The following LRMDA variants were observed in gnomAD, a reference collection of about 807,000 sequenced individuals.
LRMDA encodes leucine-rich melanocyte differentiation-associated protein.
Under a neutral mutation model 29.8 loss-of-function variants are expected in LRMDA, and 18 were observed. The ratio of observed to expected loss-of-function variants is 0.60; its 90% CI spans 0.42 to 0.90. The LOEUF is 0.90. Ranked by LOEUF, LRMDA falls within the 40% of genes least tolerant of loss-of-function variation. The pLI is 0.00. For missense variants in LRMDA, 273 were observed against 273.9 expected (o/e 1.00, Z 0.02); for synonymous variants, 125 against 109.4 (o/e 1.14, Z -0.89).
chr10:75,994,592 C>T (rs939555961), intron 2 of LRMDA, among the ~76,000 whole-genome samples: 3 of 152,138 alleles, frequency 2.0e-5, no homozygotes, highest in Non-Finnish European at 4.4e-5. Context: ...AGGCCACCAC[C>T]CTTTGGACTA....
chr10:75,860,694 T>C (rs1187340175), intron 2 of LRMDA, among the ~76,000 whole-genome samples: 1 of 152,154 alleles, frequency 6.6e-6, no homozygotes, highest in Non-Finnish European at 1.5e-5. Flanking sequence ...CTAACAAACA[T>C]TGGAACGCTT....
chr10:76,058,381 G>T (rs1848649167), intron 4 of LRMDA, among the ~76,000 whole-genome samples: 2 of 152,182 alleles, frequency 1.3e-5, no homozygotes, highest in South Asian at 4.1e-4. Flanking sequence ...GCGTTGATAG[G>T]GTGCCACTGG....
intron 5 of LRMDA, among the ~76,000 whole-genome samples, chr10:76,155,942 G>T (rs974649612): frequency 2.0e-5 from 3 of 152,076 alleles, no homozygotes; most frequent in Non-Finnish European, 4.4e-5. Flanking sequence ...GCAACTCAAG[G>T]TCTAATTGTA....
At chr10:76,354,281 AG>A (rs1311229785) in intron 6 of LRMDA, among the ~76,000 whole-genome samples, 1 of 152,182 alleles carries the variant, frequency 6.6e-6, no homozygotes, top group Non-Finnish European at 1.5e-5. Context: ...TGTGATATGG[AG>A]GCTGAACAGG....
chr10:76,100,073 A>G (rs1849372890), intron 5 of LRMDA, among the ~76,000 whole-genome samples: 1 of 152,096 alleles, frequency 6.6e-6, no homozygotes, highest in African/African-American at 2.4e-5. Flanking sequence ...TTTCAGTTTT[A>G]TCATTTTTTG....
At chr10:76,163,560 T>C (rs1850685281) in intron 5 of LRMDA, among the ~76,000 whole-genome samples, 1 of 152,150 alleles carries the variant, frequency 6.6e-6, no homozygotes, top group Non-Finnish European at 1.5e-5. Flanking sequence ...CACGTGCATG[T>C]AGTAGACAGA....
chr10:76,380,504 C>A (rs1841576554), intron 6 of LRMDA, among the ~76,000 whole-genome samples: 1 of 151,768 alleles, frequency 6.6e-6, no homozygotes, highest in South Asian at 2.1e-4. Flanking sequence ...CCCATCTCTA[C>A]TAAAAATACA....
At chr10:75,501,860 T>C (rs1272672028) in intron 2 of LRMDA, among the ~76,000 whole-genome samples, 1 of 152,228 alleles carries the variant, frequency 6.6e-6, no homozygotes, top group East Asian at 1.9e-4. Flanking sequence ...AGTCTCACTA[T>C]GTTGCCCAAG....
chr10:75,997,016 G>A (rs1847479735), intron 2 of LRMDA, among the ~76,000 whole-genome samples: 1 of 152,142 alleles, frequency 6.6e-6, no homozygotes, highest in Admixed American at 6.5e-5. Context: ...ACAGGCATGA[G>A]CCACCGTGCC....
intron 2 of LRMDA, among the ~76,000 whole-genome samples, chr10:75,688,548 T>A (rs893783915): frequency 6.6e-6 from 1 of 152,366 alleles, no homozygotes; most frequent in Admixed American, 6.5e-5. Context: ...TGAGATGGAA[T>A]CTACTCCTGG....
At chr10:75,564,942 A>G (rs1840350905) in intron 2 of LRMDA, among the ~76,000 whole-genome samples, 1 of 152,248 alleles carries the variant, frequency 6.6e-6, no homozygotes, top group Admixed American at 6.5e-5. Flanking sequence ...ATTTTTGCGT[A>G]TAAAATTTCC....
intron 2 of LRMDA, among the ~76,000 whole-genome samples, chr10:75,652,921 T>G (rs1216427172): frequency 1.3e-5 from 2 of 152,246 alleles, no homozygotes; most frequent in Non-Finnish European, 2.9e-5. Flanking sequence ...GCTCATACTT[T>G]TATTTCCCTC....
intron 2 of LRMDA, among the ~76,000 whole-genome samples, chr10:75,570,021 A>C (rs778810562): frequency 1.3e-5 from 2 of 152,238 alleles, no homozygotes; most frequent in Non-Finnish European, 2.9e-5. Context: ...TACACAGTAT[A>C]TTAGCAATAG....
At chr10:75,631,725 G>T (rs538838704) in intron 2 of LRMDA, among the ~76,000 whole-genome samples, 1 of 152,204 alleles carries the variant, frequency 6.6e-6, no homozygotes, top group Non-Finnish European at 1.5e-5. Context: ...TCTTTGACTC[G>T]AAGTGACAGC....
chr10:75,887,487 T>A (rs921236205), intron 2 of LRMDA, among the ~76,000 whole-genome samples: 5 of 152,166 alleles, frequency 3.3e-5, no homozygotes, highest in African/African-American at 7.2e-5. Context: ...CAGGCTTCAG[T>A]GTGGTCTAAC....
At chr10:76,151,307 T>C (rs1313820293) in intron 5 of LRMDA, among the ~76,000 whole-genome samples, 3 of 152,244 alleles carry the variant, frequency 2.0e-5, no homozygotes, top group Non-Finnish European at 4.4e-5. Context: ...GGCTTGCTAC[T>C]GTTCTTCTGA....
chr10:76,540,035 A>G (rs1342392765), intron 6 of LRMDA, among the ~76,000 whole-genome samples: 1 of 152,110 alleles, frequency 6.6e-6, no homozygotes, highest in Non-Finnish European at 1.5e-5. Context: ...CACACATACA[A>G]GATACACACA....
intron 6 of LRMDA, among the ~76,000 whole-genome samples, chr10:76,357,556 G>A (rs1244476270): frequency 6.6e-6 from 1 of 152,204 alleles, no homozygotes; most frequent in African/African-American, 2.4e-5. Flanking sequence ...TAGAGCCGGA[G>A]TTTCTAAGCA....
chr10:76,075,908 T>C (rs1439576822), intron 5 of LRMDA, among the ~76,000 whole-genome samples: 1 of 152,190 alleles, frequency 6.6e-6, no homozygotes, highest in Non-Finnish European at 1.5e-5. Flanking sequence ...TTTGAGTAAA[T>C]GAGTGTCTGC....
Sources: gnomAD v4.1 joint callset for allele counts (sites outside exome capture counted in the v4.1 genomes callset) on GRCh38, gnomAD v4.1.1 for gene constraint, MANE v1.5 for transcripts, NCBI Gene and HGNC (gene_info 2026-07-23, HGNC 2026-07-21) for gene names.